Variants in DECR1 observed in about 807,000 individuals in gnomAD.
DECR1 encodes the protein 2,4-dienoyl-CoA reductase [(3E)-enoyl-CoA-producing], mitochondrial.
A neutral mutation model predicts 38.8 loss-of-function variants in DECR1; 44 were observed. The ratio of observed to expected loss-of-function variants is 1.13; its 90% CI spans 0.89 to 1.46. DECR1 has a LOEUF of 1.46. Among genes scored for constraint, DECR1 ranks in the 40% most tolerant of loss-of-function variants. The pLI is 0.00. For synonymous variants in DECR1, 148 were observed against 135.2 expected, an observed-to-expected ratio of 1.09 and a Z score of -0.66; for missense variants, 428 against 405.5, an observed-to-expected ratio of 1.06 and a Z score of -0.48.
At chr8:90,035,381 G>GT (rs900367489) in intron 5 of DECR1, among the ~76,000 whole-genome samples, 79 of 148,048 alleles carry the variant, frequency 5.3e-4, no homozygotes, top group Middle Eastern at 6.9e-3. Flanking sequence ...TTTTTCCTCA[G>GT]TTTTTTTTTT....
chr8:90,016,571 G>A (rs994458740), intron 1 of DECR1, among the ~76,000 whole-genome samples: 8 of 152,034 alleles, frequency 5.3e-5, no homozygotes, highest in Non-Finnish European at 8.8e-5. Flanking sequence ...CCTGGGAGGC[G>A]GAGGTTGCAG....
At chr8:90,028,676 A>C (rs1813415749) in intron 5 of DECR1, among the ~76,000 whole-genome samples, 1 of 151,710 alleles carries the variant, frequency 6.6e-6, no homozygotes, top group Non-Finnish European at 1.5e-5. Context: ...ACTTATTTTT[A>C]CTTCCTTCTT....
At chr8:90,051,765 A>G (rs1220939655) in intron 9 of DECR1, 26 bp downstream of exon 9, 9 of 1,612,672 alleles carry the variant, frequency 5.6e-6, no homozygotes, top group Admixed American at 3.3e-5. Flanking sequence ...GTATAATGTA[A>G]TATCAGCAGC....
intron 5 of DECR1, among the ~76,000 whole-genome samples, chr8:90,021,276 A>G (rs560593093): frequency 3.3e-5 from 5 of 152,372 alleles, no homozygotes; most frequent in Admixed American, 2.6e-4. Context: ...AGGAATGACT[A>G]ACTCTCCCTA....
At chr8:90,016,325 C>T (rs147527701) in intron 1 of DECR1, among the ~76,000 whole-genome samples, 1 of 152,156 alleles carries the variant, frequency 6.6e-6, no homozygotes, top group East Asian at 1.9e-4. Context: ...GACAAAAATG[C>T]TTTATGTTAG....
intron 5 of DECR1, among the ~76,000 whole-genome samples, chr8:90,030,275 A>T (rs1813464501): frequency 6.6e-6 from 1 of 152,090 alleles, no homozygotes. Context: ...ATAGACTGGT[A>T]TGGGGCTGGG....
intron 6 of DECR1, 146 bp downstream of exon 6, chr8:90,037,086 G>T (rs1813636201): frequency 1.7e-6 from 1 of 605,728 alleles, no homozygotes; most frequent in African/African-American, 1.8e-5. Flanking sequence ...TTATCTCCCA[G>T]ATAAGTCCTA....
Position 90,017,136 on chromosome 8 carries a change from G to A in DECR1, c.82G>A (p.Gly28Arg). 6.2e-7 allele frequency: 1 copy of A among 1,611,380 alleles called. No individual in the cohort carries two copies. Among genetic ancestry groups the A allele is most frequent in the Non-Finnish European group, 8.5e-7 (1 of 1,178,464 alleles). Residue 28 changes from glycine (G) to arginine (R), a missense_variant, in exon 2 of 10, where the codon GGG becomes AGG. Transcript: ENST00000220764. ...GLAPRRFFSY[G>R]TKILYQNTEA... ...TTTCCCCTTTTAGTTTTTCAGTTAT[G>A]GGACAAAAATATTATATCAAAACAC...
At chr8:90,036,702 AGAGT>A in intron 5 of DECR1, 135 bp from the exon 6 acceptor site, 1 of 545,092 alleles carries the variant, frequency 1.8e-6, no homozygotes, top group East Asian at 3.0e-5. Flanking sequence ...TCATTAATTT[AGAGT>A]GAGTGAAGTT....
intron 1 of DECR1, 70 bp from the exon 2 acceptor site, chr8:90,017,054 A>G (rs992652584): frequency 1.6e-5 from 17 of 1,047,726 alleles, no homozygotes; most frequent in Non-Finnish European, 2.3e-5. Context: ...ATTCAAGAGC[A>G]TGTTTTAAAA....
At chr8:90,004,076 A>C (rs1263156914) in intron 1 of DECR1, among the ~76,000 whole-genome samples, 1 of 152,158 alleles carries the variant, frequency 6.6e-6, no homozygotes, top group African/African-American at 2.4e-5. Flanking sequence ...ACTATCATGC[A>C]CACTGCCATG....
At chr8:90,030,180 G>T (rs1180498657) in intron 5 of DECR1, among the ~76,000 whole-genome samples, 1 of 152,120 alleles carries the variant, frequency 6.6e-6, no homozygotes, top group East Asian at 1.9e-4. Flanking sequence ...TGTCACCGCT[G>T]ATCTGACATT....
At chr8:90,026,917 TTG>T (rs1396965515) in intron 5 of DECR1, among the ~76,000 whole-genome samples, 1 of 152,254 alleles carries the variant, frequency 6.6e-6, no homozygotes, top group Non-Finnish European at 1.5e-5. Flanking sequence ...TTCTGGTATG[TTG>T]TGTCTTTGTT....
rs1814110552 is a variant in DECR1, at chr8:90,051,971, A to G, written c.*74A>G. 7.7e-7 allele frequency: 1 copy of G among 1,306,334 alleles called. No homozygotes were observed. Among genetic ancestry groups the G allele is most frequent in the Non-Finnish European group, 1.1e-6 (1 of 912,392 alleles). 80.9% of individuals were successfully genotyped at this position (1,306,334 alleles called of 1,614,324 possible). A position where few individuals can be genotyped will look rare whatever the true frequency, so the allele number is the denominator to read the frequency against. ...ACAAATTATCTCTCATCTTTTGACT[A>G]TTTCAAGTCTAATAAATTCTTAATT... is the stretch of plus-strand genomic sequence containing the variant. On this transcript the variant is annotated 3_prime_UTR_variant, in exon 10 of 10. Transcript: ENST00000220764.
chr8:90,036,739 T>C, intron 5 of DECR1, 102 bp from the exon 6 acceptor site: 1 of 720,304 alleles, frequency 1.4e-6, no homozygotes, highest in Non-Finnish European at 2.3e-6. Context: ...TTAGTTTTTC[T>C]TATACCCTCT....
rs1814145057 is a variant in DECR1 at position 90,053,581 on chromosome 8, AT to A, written c.*1687del. 6.6e-6 allele frequency among the ~76,000 whole-genome samples: 1 copy of A among 152,152 alleles called. No homozygotes were observed. The highest frequency in any genetic ancestry group is 2.4e-5 in the African/African-American group (1 of 41,444). On this transcript the variant is annotated 3_prime_UTR_variant, in exon 10 of 10. Transcript: ENST00000220764. ...TAGCCATATTTCTCTTTCTGGTTAA[AT>A]TTATACTAAATGTTTACATTTATAT...
chr8:90,007,894 G>A (rs1431720364), intron 1 of DECR1, among the ~76,000 whole-genome samples: 1 of 152,194 alleles, frequency 6.6e-6, no homozygotes, highest in East Asian at 1.9e-4. Flanking sequence ...AGATTGAAGT[G>A]CCAGGGTAAT....
chr8:90,036,897 G>A lies in DECR1; in HGVS notation c.622G>A (p.Val208Ile). The A allele has an allele frequency of 6.2e-7, 1 of 1,613,360 alleles. No individual in the cohort carries two copies. Among genetic ancestry groups the A allele is most frequent in the Non-Finnish European group, 8.5e-7 (1 of 1,179,694 alleles). Residue 208 changes from valine to isoleucine, a missense_variant, in exon 6 of 10, where the codon GTA becomes ATA. Transcript: ENST00000220764. ...TGCTGAGACTGGTTCAGGTTTTGTA[G>A]TACCAAGTGCTTCTGCCAAAGCAGG... is the stretch of plus-strand genomic sequence containing the variant. Reference protein sequence around the residue: ...IYAETGSGFVVPSASAKAGVE... With the variant: ...IYAETGSGFVIPSASAKAGVE...
At chr8:90,024,398 A>G (rs1813249752) in intron 5 of DECR1, among the ~76,000 whole-genome samples, 1 of 152,102 alleles carries the variant, frequency 6.6e-6, no homozygotes, top group Non-Finnish European at 1.5e-5. Flanking sequence ...TGACTTTTTA[A>G]TGATCGCCAT....
Sources: allele counts gnomAD v4.1 joint callset (sites outside exome capture counted in the v4.1 genomes callset), GRCh38; gene constraint gnomAD v4.1.1; transcripts MANE v1.5; gene names NCBI Gene and HGNC (gene_info 2026-07-23, HGNC 2026-07-21).